Variants in EEIG2 observed in about 807,000 individuals in gnomAD.
EEIG2 encodes the protein EEIG family member 2.
the EEIG2 span, among the ~76,000 whole-genome samples, chr1:108,579,844 C>G: frequency 6.7e-6 from 1 of 150,190 alleles, no homozygotes; most frequent in Non-Finnish European, 1.5e-5. Context: ...ATGATGCATT[C>G]TTGGTTCACT....
chr1:108,638,549 C>G, the EEIG2 span: 2 of 152,184 alleles, frequency 1.3e-5, no homozygotes, highest in African/African-American at 4.8e-5. Context: ...AAACTGGGCT[C>G]ATATGACGGG....
the EEIG2 span, among the ~76,000 whole-genome samples, chr1:108,601,686 A>G: frequency 6.6e-6 from 1 of 152,194 alleles, no homozygotes; most frequent in Non-Finnish European, 1.5e-5. Flanking sequence ...ATAAACAACC[A>G]TTTAGAAAAA....
chr1:108,611,234 A>G, the EEIG2 span, among the ~76,000 whole-genome samples: 1 of 152,200 alleles, frequency 6.6e-6, no homozygotes, highest in Non-Finnish European at 1.5e-5. Context: ...TGAAATGTAT[A>G]ATACTTTTTA....
At chr1:108,560,446 G>A in the EEIG2 span, 1 of 1,611,770 alleles carries the variant, frequency 6.2e-7, no homozygotes, top group Non-Finnish European at 8.5e-7. Context: ...AGAAGAAGAA[G>A]TTTAAGTTTA....
chr1:108,626,673 C>T, the EEIG2 span: 1 of 152,250 alleles, frequency 6.6e-6, no homozygotes, highest in Admixed American at 6.5e-5. Flanking sequence ...CTTAAAGCCA[C>T]TGAACTGTTT....
chr1:108,587,445 G>A, the EEIG2 span, among the ~76,000 whole-genome samples: 31 of 152,166 alleles, frequency 2.0e-4, 1 homozygote, highest in East Asian at 5.8e-3. Context: ...TAAAGTTTAC[G>A]TTAGGCTTCA....
At chr1:108,593,969 C>G in the EEIG2 span, among the ~76,000 whole-genome samples, 1 of 152,026 alleles carries the variant, frequency 6.6e-6, no homozygotes, top group Non-Finnish European at 1.5e-5. Context: ...CCATGCTCAA[C>G]TAATTTTTAT....
the EEIG2 span, among the ~76,000 whole-genome samples, chr1:108,607,623 T>C: frequency 2.0e-5 from 3 of 152,024 alleles, no homozygotes; most frequent in African/African-American, 7.2e-5. Context: ...CAGGCATTCA[T>C]GACCATCCTG....
At chr1:108,633,180 A>G in the EEIG2 span, among the ~76,000 whole-genome samples, 1 of 152,192 alleles carries the variant, frequency 6.6e-6, no homozygotes, top group Admixed American at 6.5e-5. Flanking sequence ...ATTGATTGAT[A>G]CTGTTGACCT....
the EEIG2 span, among the ~76,000 whole-genome samples, chr1:108,560,847 A>C: frequency 2.0e-5 from 3 of 152,144 alleles, no homozygotes; most frequent in Non-Finnish European, 4.4e-5. Context: ...TTTTCTCTTA[A>C]GACATTTCCA....
chr1:108,579,772 T>TGTGAGAGAGAGAGAGAGAGAGAGA, the EEIG2 span, among the ~76,000 whole-genome samples: 1,004 of 58,806 alleles, frequency 0.017, 32 homozygotes, highest in Non-Finnish European at 0.023. Context: ...TGTGTGTGTG[T>TGTGAGAGAGAGAGAGAGAGAGAGA]GAGAGAGAGA....
chr1:108,616,124 C>CTTT, the EEIG2 span, among the ~76,000 whole-genome samples: 5 of 129,774 alleles, frequency 3.9e-5, no homozygotes, highest in African/African-American at 1.4e-4. Context: ...CCCACTTCTT[C>CTTT]TTTTTTTTTT....
the EEIG2 span, among the ~76,000 whole-genome samples, chr1:108,595,458 A>G: frequency 7.7e-6 from 1 of 130,204 alleles, no homozygotes; most frequent in African/African-American, 2.9e-5. Flanking sequence ...AGGAGGAAGG[A>G]TGGAAGGAAG....
the EEIG2 span, among the ~76,000 whole-genome samples, chr1:108,573,984 T>C: frequency 1.3e-5 from 2 of 152,200 alleles, no homozygotes; most frequent in Non-Finnish European, 2.9e-5. Flanking sequence ...TGGTGGTCCC[T>C]CAAAAAACTT....
the EEIG2 span, among the ~76,000 whole-genome samples, chr1:108,573,446 T>G: frequency 6.6e-6 from 1 of 152,300 alleles, no homozygotes; most frequent in African/African-American, 2.4e-5. Context: ...CAGTACCTCA[T>G]ATAGCCTTGG....
At chr1:108,599,243 T>C in the EEIG2 span, among the ~76,000 whole-genome samples, 1 of 152,156 alleles carries the variant, frequency 6.6e-6, no homozygotes, top group African/African-American at 2.4e-5. Context: ...AGCTATAAGT[T>C]TGACTGCCTG....
the EEIG2 span, chr1:108,600,834 C>T: frequency 7.0e-6 from 5 of 709,640 alleles, no homozygotes; most frequent in East Asian, 1.4e-4. Flanking sequence ...ATTAAAATAC[C>T]ATGGCAAATA....
chr1:108,600,819 C>A, the EEIG2 span: 2 of 822,136 alleles, frequency 2.4e-6, no homozygotes, highest in South Asian at 2.9e-5. Flanking sequence ...ATGCTCGCTG[C>A]AGTAATTAAA....
the EEIG2 span, among the ~76,000 whole-genome samples, chr1:108,595,318 GGA>G: frequency 2.7e-5 from 4 of 146,478 alleles, no homozygotes; most frequent in African/African-American, 5.0e-5. Flanking sequence ...AGGGAGGGAG[GGA>G]AAGAATGAAG....
Sources: gnomAD v4.1 joint callset for allele counts (sites outside exome capture counted in the v4.1 genomes callset) on GRCh38, gnomAD v4.1.1 for gene constraint, MANE v1.5 for transcripts, NCBI Gene and HGNC (gene_info 2026-07-23, HGNC 2026-07-21) for gene names.